The following PALS2 variants were observed in gnomAD, a reference collection of about 807,000 sequenced individuals.
The protein encoded by PALS2 is protein PALS2.
A neutral mutation model predicts 61.6 loss-of-function variants in PALS2; 27 were observed. The observed-to-expected ratio is 0.44, with a 90% CI of 0.32 to 0.60. PALS2 has a LOEUF of 0.60. Ranked by LOEUF, PALS2 falls within the 20% of genes least tolerant of loss-of-function variation. The probability of loss-of-function intolerance (pLI) is 0.05; values close to 1 mark genes in which losing one functional copy is unlikely to be tolerated. For synonymous variants in PALS2, 236 were observed against 218.6 expected (o/e 1.08, Z -0.70); for missense variants, 554 against 639.4 (o/e 0.87, Z 1.44).
At chr7:24,588,422 C>T (rs184465112) in intron 1 of PALS2, among the ~76,000 whole-genome samples, 138 of 152,228 alleles carry the variant, frequency 9.1e-4, no homozygotes, top group Non-Finnish European at 1.2e-3. Flanking sequence ...CAGTTTATCT[C>T]TTGAGGCATC....
At chr7:24,583,226 T>C (rs1331148565) in intron 1 of PALS2, among the ~76,000 whole-genome samples, 1 of 152,076 alleles carries the variant, frequency 6.6e-6, no homozygotes, top group Non-Finnish European at 1.5e-5. Context: ...ATTTAAATGT[T>C]TTTTATTTTT....
chr7:24,582,938 C>G (rs1782902984), intron 1 of PALS2, among the ~76,000 whole-genome samples: 1 of 123,564 alleles, frequency 8.1e-6, no homozygotes, highest in Admixed American at 1.1e-4. Flanking sequence ...GTCACCCAGG[C>G]TGCTAGAGTG....
chr7:24,643,094 A>T (rs561446825), intron 3 of PALS2, among the ~76,000 whole-genome samples: 4 of 152,242 alleles, frequency 2.6e-5, no homozygotes, highest in Non-Finnish European at 5.9e-5. Context: ...TAGAAGAGAG[A>T]TGTGGGAAGT....
At chr7:24,628,102 G>T (rs944114128) in intron 2 of PALS2, among the ~76,000 whole-genome samples, 2 of 152,102 alleles carry the variant, frequency 1.3e-5, no homozygotes, top group Non-Finnish European at 2.9e-5. Context: ...GATGAACATC[G>T]ATGTGAAAAT....
intron 9 of PALS2, among the ~76,000 whole-genome samples, chr7:24,675,385 T>C (rs1050547239): frequency 6.7e-6 from 1 of 150,082 alleles, no homozygotes; most frequent in Non-Finnish European, 1.5e-5. Flanking sequence ...TTAAGGTTTT[T>C]TTTTTTCCCC....
At chr7:24,581,888 AAG>A (rs1782859324) in intron 1 of PALS2, among the ~76,000 whole-genome samples, 1 of 152,240 alleles carries the variant, frequency 6.6e-6, no homozygotes, top group African/African-American at 2.4e-5. Flanking sequence ...GATTTAAGTG[AAG>A]AGTCATAAAC....
intron 1 of PALS2, among the ~76,000 whole-genome samples, chr7:24,622,987 G>A (rs1784584319): frequency 6.6e-6 from 1 of 151,876 alleles, no homozygotes; most frequent in Non-Finnish European, 1.5e-5. Flanking sequence ...GTTTTTATCT[G>A]TTGAACCACT....
At chr7:24,653,069 A>T (rs1344630479) in intron 5 of PALS2, among the ~76,000 whole-genome samples, 2 of 152,224 alleles carry the variant, frequency 1.3e-5, no homozygotes, top group African/African-American at 2.4e-5. Context: ...TTTGGAACCA[A>T]CATGACCTGG....
rs116799110 is a variant in PALS2, at chr7:24,648,178, T to C, written c.271-1434T>C. ...TGCTTTTTTCCCGAACCTGTTAATA[T>C]TTGCTTCTTTCTATTTTGATTTATT... On this transcript the variant is annotated intron_variant, in intron 3 of 11. Coordinates refer to ENST00000222644, the MANE Select transcript of PALS2 (RefSeq NM_001303037.2). 6.4e-4 allele frequency among the ~76,000 whole-genome samples: 98 copies of C among 152,272 alleles called. 1 individual carries two copies. The highest frequency in any genetic ancestry group is 2.3e-3 in the African/African-American group (96 of 41,552).
intron 1 of PALS2, among the ~76,000 whole-genome samples, chr7:24,587,231 A>C (rs1783102396): frequency 2.6e-5 from 4 of 152,088 alleles, no homozygotes; most frequent in Admixed American, 1.3e-4. Context: ...AGGACGAAGG[A>C]CGTTAACTGG....
rs1007323885 is a variant in PALS2 at position 24,650,473 on chromosome 7, T to G, written c.424-12T>G. 5.8e-6 allele frequency: 9 copies of G among 1,549,558 alleles called. No individual in the cohort carries two copies. The highest frequency in any genetic ancestry group is 7.8e-6 in the Non-Finnish European group (9 of 1,147,638). Reference sequence around the variant, plus strand: ...AATAATTAATGAGAAATCTGTTTCTTATTTTTCATAGGGTGTGACATTTAG... The same window carrying G: ...AATAATTAATGAGAAATCTGTTTCTGATTTTTCATAGGGTGTGACATTTAG... On this transcript the variant is annotated splice_polypyrimidine_tract_variant and intron_variant, in intron 4 of 11. Coordinates refer to ENST00000222644, the MANE Select transcript of PALS2 (RefSeq NM_001303037.2).
chr7:24,679,338 G>T lies in PALS2; in HGVS notation c.1317+5G>T. 6.2e-7 allele frequency: 1 copy of T among 1,613,080 alleles called. No individual in the cohort carries two copies. Among genetic ancestry groups the T allele is most frequent in the Non-Finnish European group, 8.5e-7 (1 of 1,179,508 alleles). ...ATTCTGGATGTCAACCCACAAGTAA[G>T]CTGCTTGGATTCCAAAGCTGTTTTA... On this transcript the variant is annotated splice_donor_5th_base_variant and intron_variant, in intron 10 of 11. Coordinates refer to ENST00000222644, the MANE Select transcript of PALS2 (RefSeq NM_001303037.2).
At chr7:24,614,156 A>C (rs1156596080) in intron 1 of PALS2, among the ~76,000 whole-genome samples, 1 of 151,800 alleles carries the variant, frequency 6.6e-6, no homozygotes, top group Non-Finnish European at 1.5e-5. Context: ...GATTTTAAGG[A>C]ATCTCCCTAC....
intron 1 of PALS2, among the ~76,000 whole-genome samples, chr7:24,604,437 C>A (rs561481568): frequency 6.6e-6 from 1 of 151,876 alleles, no homozygotes; most frequent in Non-Finnish European, 1.5e-5. Context: ...AGTATTCCAA[C>A]AAGAGAAAGA....
rs745520424 is a variant in PALS2 at position 24,690,645 on chromosome 7, A to G, written c.*3031A>G. ...ACCATAGCTTAGTGAAATAAATGTG[A>G]TGGCCCTAAAAAGTAGAATTTTCAC... On this transcript the variant is annotated 3_prime_UTR_variant, in exon 12 of 12. Transcript: ENST00000222644. The G allele has an allele frequency of 6.6e-6, 1 of 152,208 alleles. No individual in the cohort carries two copies. The highest frequency in any genetic ancestry group is 1.5e-5 in the Non-Finnish European group (1 of 68,034). The allele number at this position is 152,208 out of a possible 1,614,324, so 9.4% of individuals were successfully genotyped here. A position where few individuals can be genotyped will look rare whatever the true frequency, so the allele number is the denominator to read the frequency against.
At chr7:24,651,240 T>C (rs1483645769) in intron 5 of PALS2, among the ~76,000 whole-genome samples, 2 of 152,184 alleles carry the variant, frequency 1.3e-5, no homozygotes, top group Non-Finnish European at 2.9e-5. Flanking sequence ...GTTTTAGTTA[T>C]AGAGATTGTC....
At chr7:24,634,241 A>G (rs1785137416) in intron 2 of PALS2, among the ~76,000 whole-genome samples, 1 of 150,964 alleles carries the variant, frequency 6.6e-6, no homozygotes, top group African/African-American at 2.4e-5. Context: ...TTTTATTTTT[A>G]TTTTTTTGAG....
intron 5 of PALS2, among the ~76,000 whole-genome samples, chr7:24,659,427 T>C (rs1583964902): frequency 6.6e-6 from 1 of 152,234 alleles, no homozygotes; most frequent in South Asian, 2.1e-4. Flanking sequence ...ATCTCCAAAG[T>C]GCTTTCCACA....
intron 2 of PALS2, among the ~76,000 whole-genome samples, chr7:24,626,315 G>GA (rs1205322509): frequency 6.6e-6 from 1 of 151,490 alleles, no homozygotes; most frequent in African/African-American, 2.4e-5. Flanking sequence ...AAGAAAGAAT[G>GA]AAAAAAAGAT....
Sources: gnomAD v4.1 joint callset for allele counts (sites outside exome capture counted in the v4.1 genomes callset) on GRCh38, gnomAD v4.1.1 for gene constraint, MANE v1.5 for transcripts, NCBI Gene and HGNC (gene_info 2026-07-23, HGNC 2026-07-21) for gene names.